The following VPS37A variants were observed in gnomAD, a reference collection of about 807,000 sequenced individuals.
VPS37A encodes vacuolar protein sorting-associated protein 37A.
VPS37A carries 30 observed loss-of-function variants against 49.8 expected under a neutral mutation model. That is an observed-to-expected ratio of 0.60 (90% CI 0.45 to 0.82). The LOEUF is 0.82. Among genes scored for constraint, VPS37A ranks in the 40% least tolerant of loss-of-function variants. The pLI, the probability that VPS37A is intolerant of heterozygous loss-of-function variation, is 0.00. For synonymous variants in VPS37A, 195 were observed against 160.6 expected, an observed-to-expected ratio of 1.21 and a Z score of -1.62; for missense variants, 593 against 464.4, an observed-to-expected ratio of 1.28 and a Z score of -2.55.
chr8:17,322,102 G>C, the VPS37A span, among the ~76,000 whole-genome samples: 1 of 149,816 alleles, frequency 6.7e-6, no homozygotes, highest in African/African-American at 2.5e-5. Flanking sequence ...GCCCTCCCTT[G>C]ATTACCAGCC....
chr8:17,268,151 G>A, intron 2 of VPS37A, 107 bp from the exon 3 acceptor site: 1 of 717,778 alleles, frequency 1.4e-6, no homozygotes, highest in South Asian at 2.0e-5. Context: ...CCATATCAAA[G>A]TGTGAAAATT....
downstream of VPS37A, among the ~76,000 whole-genome samples, chr8:17,303,610 C>CT (rs10589081): frequency 2.3e-3 from 321 of 141,194 alleles, 1 homozygote; most frequent in Middle Eastern, 3.7e-3. Flanking sequence ...TACATACAAT[C>CT]TTTTTTTTTT....
intron 2 of VPS37A, among the ~76,000 whole-genome samples, chr8:17,266,394 G>T (rs1813457933): frequency 6.6e-6 from 1 of 152,148 alleles, no homozygotes; most frequent in Non-Finnish European, 1.5e-5. Context: ...CAACCAGAAA[G>T]TTCAAGATTA....
rs956568118 is a variant in VPS37A, at chr8:17,251,583, T to G, written c.125+4214T>G. On this transcript the variant is annotated intron_variant, in intron 1 of 11. Coordinates refer to ENST00000324849, the MANE Select transcript of VPS37A (RefSeq NM_152415.3). ...TAAGCTTACCTACAACTTATCTGTC[T>G]CTGGCAGAACTACTTCTGACTTTCC... Among the ~76,000 whole-genome samples the G allele has an allele frequency of 4.6e-5, 7 of 152,336 alleles. No individual in the cohort carries two copies. In the East Asian group the frequency reaches 1.2e-3, roughly 25 times the overall value.
the VPS37A span, among the ~76,000 whole-genome samples, chr8:17,322,854 C>T: frequency 6.6e-6 from 1 of 151,912 alleles, no homozygotes; most frequent in African/African-American, 2.4e-5. Flanking sequence ...ATGTGTGTGC[C>T]CATTTCTGTT....
At chr8:17,310,275 A>C in the VPS37A span, among the ~76,000 whole-genome samples, 1 of 152,136 alleles carries the variant, frequency 6.6e-6, no homozygotes, top group Admixed American at 6.5e-5. Context: ...TGCTGGGATT[A>C]CAGGTGTGAG....
At chr8:17,314,374 G>A in the VPS37A span, among the ~76,000 whole-genome samples, 729 of 152,200 alleles carry the variant, frequency 4.8e-3, 8 homozygotes, top group African/African-American at 0.016. Context: ...AATGAGCTGT[G>A]TAGTCTTGCA....
chr8:17,283,765 A>T (rs1815329444), intron 9 of VPS37A, among the ~76,000 whole-genome samples: 1 of 152,188 alleles, frequency 6.6e-6, no homozygotes, highest in Non-Finnish European at 1.5e-5. Flanking sequence ...GTAACTTGAC[A>T]TGAGGAAATA....
chr8:17,250,939 T>G (rs895017942), intron 1 of VPS37A, among the ~76,000 whole-genome samples: 1 of 152,214 alleles, frequency 6.6e-6, no homozygotes, highest in African/African-American at 2.4e-5. Flanking sequence ...TCAAGTAATA[T>G]GTTCTCTCTT....
At position 17,280,014 on chromosome 8, in the gene VPS37A, T is replaced by G; in HGVS notation, c.714-14T>G. On this transcript the variant is annotated splice_polypyrimidine_tract_variant and intron_variant, in intron 6 of 11. Transcript: ENST00000324849. ...GTCTGATATTTATTGACATTTTTTC[T>G]TTTGTGTTTCTAGTGTGTCACAACT... The G allele has an allele frequency of 6.2e-7, 1 of 1,608,066 alleles. No individual in the cohort carries two copies. The highest frequency in any genetic ancestry group is 1.1e-5 in the South Asian group (1 of 89,944).
chr8:17,311,509 A>G, the VPS37A span: 1 of 1,614,130 alleles, frequency 6.2e-7, no homozygotes, highest in Non-Finnish European at 8.5e-7. Flanking sequence ...GGCCACACTC[A>G]CCATGAAGCC....
chr8:17,280,084 T>G lies in VPS37A; in HGVS notation c.770T>G (p.Leu257Arg). 2 of 1,612,738 alleles carry G rather than the reference T, an allele frequency of 1.2e-6. No homozygotes were observed. The highest frequency in any genetic ancestry group is 1.7e-6 in the Non-Finnish European group (2 of 1,179,306). Reference sequence around the variant, plus strand: ...GAGGAGGTATTACTAGAACAGTTTCTGACTTTGCCTCAACTAAAACAAATT... The same window carrying G: ...GAGGAGGTATTACTAGAACAGTTTCGGACTTTGCCTCAACTAAAACAAATT... Reference protein sequence around the residue: ...EQEEVLLEQFLTLPQLKQIIT... With the variant: ...EQEEVLLEQFRTLPQLKQIIT... Residue 257 changes from leucine to arginine, a missense_variant, in exon 7 of 12, where the codon CTG becomes CGG. Physicochemically the swap from Leu to Arg is moderately radical, Grantham distance 102. Coordinates refer to ENST00000324849, the MANE Select transcript of VPS37A (RefSeq NM_152415.3).
intron 1 of VPS37A, among the ~76,000 whole-genome samples, chr8:17,256,372 A>G (rs1175483201): frequency 1.5e-5 from 2 of 134,536 alleles, no homozygotes; most frequent in Non-Finnish European, 3.0e-5. Context: ...TCCTGGGCTC[A>G]AGGAGTCCCA....
At chr8:17,305,691 C>G, downstream of VPS37A, 1 of 1,406,286 alleles carries the variant, frequency 7.1e-7, no homozygotes, top group Non-Finnish European at 9.8e-7. Context: ...TGAAAGGCCA[C>G]CTAAAATTCT....
At chr8:17,256,060 T>C (rs1469159789) in intron 1 of VPS37A, among the ~76,000 whole-genome samples, 4 of 152,268 alleles carry the variant, frequency 2.6e-5, no homozygotes, top group African/African-American at 9.6e-5. Flanking sequence ...AGTAGCAGAA[T>C]TGCTGAATCA....
chr8:17,309,419 G>A, the VPS37A span: 17 of 860,612 alleles, frequency 2.0e-5, 1 homozygote, highest in Admixed American at 3.2e-4. Flanking sequence ...AGAGGCACTT[G>A]CAGAAGTCCC....
chr8:17,317,602 G>C, the VPS37A span, among the ~76,000 whole-genome samples: 5 of 152,266 alleles, frequency 3.3e-5, no homozygotes, highest in Middle Eastern at 3.4e-3. Flanking sequence ...TTCTCTTGTG[G>C]AAGTGTGGAA....
chr8:17,279,885 G>A (rs768036977), intron 6 of VPS37A, 143 bp from the exon 7 acceptor site: 10 of 947,198 alleles, frequency 1.1e-5, no homozygotes, highest in Non-Finnish European at 1.6e-5. Context: ...TGATTTTAAG[G>A]TTAAAACTGG....
intron 2 of VPS37A, among the ~76,000 whole-genome samples, chr8:17,267,807 A>G (rs1260057745): frequency 6.6e-6 from 1 of 152,210 alleles, no homozygotes; most frequent in Non-Finnish European, 1.5e-5. Flanking sequence ...GACTACAGGC[A>G]TGCACCACCA....
Sources: allele counts gnomAD v4.1 joint callset (sites outside exome capture counted in the v4.1 genomes callset), GRCh38; gene constraint gnomAD v4.1.1; transcripts MANE v1.5; gene names NCBI Gene and HGNC (gene_info 2026-07-23, HGNC 2026-07-21).